Variants in MAP3K21 observed in about 807,000 individuals in gnomAD.
MAP3K21 encodes mitogen-activated protein kinase kinase kinase MLK4.
A neutral mutation model predicts 86.1 loss-of-function variants in MAP3K21; 63 were observed. The ratio of observed to expected loss-of-function variants is 0.73; its 90% CI spans 0.60 to 0.90. The LOEUF is 0.90. MAP3K21 is among the 40% of genes least tolerant of loss of function. MAP3K21 has a pLI of 0.00. For missense variants in MAP3K21, 1,220 were observed against 1,367.7 expected (o/e 0.89, Z 1.70); for synonymous variants, 558 against 564.8 (o/e 0.99, Z 0.17).
chr1:233,361,736 C>A (rs1274668966), intron 4 of MAP3K21, among the ~76,000 whole-genome samples: 3 of 152,182 alleles, frequency 2.0e-5, no homozygotes, highest in Non-Finnish European at 4.4e-5. Context: ...ATGTGAAAAA[C>A]CAAGTGTAGA....
At chr1:233,377,910 C>A (rs1158382089) in intron 8 of MAP3K21, among the ~76,000 whole-genome samples, 1 of 152,164 alleles carries the variant, frequency 6.6e-6, no homozygotes, top group African/African-American at 2.4e-5. Context: ...CTTGTATGTG[C>A]AGTTCACAAT....
Position 233,382,503 on chromosome 1 carries a change from T to A in MAP3K21, c.2903T>A (p.Leu968Gln), listed in dbSNP as rs750348462. Residue 968 changes from leucine (L) to glutamine (Q), a missense_variant, in exon 10 of 10, where the codon CTG becomes CAG. Leu to Gln is a moderately radical substitution (Grantham distance 113, BLOSUM62 -2). Around this residue, in one of 5 missense-constraint regions of MAP3K21, gnomAD observed 632 missense variants for 691.3 expected, o/e 0.91. Transcript: ENST00000366624. Reference protein sequence around the residue: ...QAYPQTAVSQLAQTACVVGRP... With the variant: ...QAYPQTAVSQQAQTACVVGRP... Reference sequence around the variant, plus strand: ...TACCCACAGACAGCAGTGTCTCAGCTGGCACAGACTGCCTGTGTAGTGGGT... The same window carrying A: ...TACCCACAGACAGCAGTGTCTCAGCAGGCACAGACTGCCTGTGTAGTGGGT... The A allele has an allele frequency of 1.5e-5, 25 of 1,614,192 alleles. No individual in the cohort carries two copies. Among genetic ancestry groups the A allele is most frequent in the Non-Finnish European group, 2.1e-5 (25 of 1,180,024 alleles).
At chr1:233,380,888 C>A (rs1026266623) in intron 9 of MAP3K21, among the ~76,000 whole-genome samples, 1 of 152,146 alleles carries the variant, frequency 6.6e-6, no homozygotes, top group Non-Finnish European at 1.5e-5. Flanking sequence ...CTCCTCACTG[C>A]GGTATTTTTT....
chr1:233,358,411 T>C (rs1663403823), intron 4 of MAP3K21, among the ~76,000 whole-genome samples: 1 of 152,046 alleles, frequency 6.6e-6, no homozygotes, highest in African/African-American at 2.4e-5. Context: ...ATCATTGACA[T>C]GTTTCTTGGA....
chr1:233,345,506 C>T (rs993525095), intron 1 of MAP3K21, among the ~76,000 whole-genome samples: 5 of 151,320 alleles, frequency 3.3e-5, no homozygotes, highest in Non-Finnish European at 5.9e-5. Context: ...ACTGCATATT[C>T]TCACTCATAG....
intron 5 of MAP3K21, among the ~76,000 whole-genome samples, chr1:233,368,080 A>G (rs1257593612): frequency 6.6e-6 from 1 of 152,044 alleles, no homozygotes; most frequent in Non-Finnish European, 1.5e-5. Flanking sequence ...CATTTGTTCC[A>G]AATAACTTGT....
At chr1:233,355,146 G>T in intron 4 of MAP3K21, 135 bp downstream of exon 4, 3 of 659,998 alleles carry the variant, frequency 4.5e-6, no homozygotes, top group Non-Finnish European at 4.9e-6. Flanking sequence ...CCTTCTTTCA[G>T]GTTAAAAATA....
chr1:233,348,196 C>G (rs1039724444), intron 2 of MAP3K21, among the ~76,000 whole-genome samples: 5 of 152,142 alleles, frequency 3.3e-5, no homozygotes, highest in African/African-American at 9.7e-5. Flanking sequence ...TGTTCTGTAT[C>G]TTGACTTTTG....
chr1:233,351,496 G>A (rs1354103972), intron 2 of MAP3K21, among the ~76,000 whole-genome samples: 1 of 152,058 alleles, frequency 6.6e-6, no homozygotes, highest in East Asian at 1.9e-4. Context: ...TTGGACACCA[G>A]CATGGCCAAT....
intron 2 of MAP3K21, among the ~76,000 whole-genome samples, chr1:233,350,749 T>C (rs540951037): frequency 6.6e-6 from 1 of 152,216 alleles, no homozygotes; most frequent in Non-Finnish European, 1.5e-5. Flanking sequence ...GTAAAACTAC[T>C]AAGAAGCAGA....
rs558315734 is a variant in MAP3K21 at position 233,375,087 on chromosome 1, GC to G, written c.1676-826del. ...CTCCTGAGTAGCTGGGATTACAGGC[GC>G]CCGCCACCATGCCCAGTTAATTTTT... On this transcript the variant is annotated intron_variant, in intron 6 of 9. Coordinates refer to ENST00000366624, the MANE Select transcript of MAP3K21 (RefSeq NM_032435.3). Among the ~76,000 whole-genome samples the G allele has an allele frequency of 5.7e-4, 86 of 151,742 alleles. 1 individual carries two copies. In the South Asian group the frequency reaches 0.018, roughly 31 times the overall value.
At chr1:233,356,436 G>A (rs578250999) in intron 4 of MAP3K21, among the ~76,000 whole-genome samples, 8 of 151,668 alleles carry the variant, frequency 5.3e-5, no homozygotes, top group African/African-American at 1.9e-4. Context: ...TGAGATAGTG[G>A]CCATTATCAT....
intron 4 of MAP3K21, among the ~76,000 whole-genome samples, chr1:233,357,152 G>A (rs529782391): frequency 7.9e-5 from 12 of 152,044 alleles, no homozygotes; most frequent in African/African-American, 2.7e-4. Context: ...ACTATTGCAA[G>A]GACAAAAAAC....
chr1:233,382,604 G>T lies in MAP3K21; in HGVS notation c.3004G>T (p.Ala1002Ser). 1 of 1,614,204 alleles carries T rather than the reference G, an allele frequency of 6.2e-7. No individual in the cohort carries two copies. The highest frequency in any genetic ancestry group is 8.5e-7 in the Non-Finnish European group (1 of 1,180,034). The change falls in exon 10 of 10, where the codon GCT becomes TCT. Residue 1002 changes from alanine to serine, a missense_variant. This residue lies in a region of MAP3K21 where 632 missense variants were observed against 691.3 expected (regional missense o/e 0.91). Transcript: ENST00000366624. ...TKSHVPSLLD[A>S]DVEGQSRDYT... Reference sequence around the variant, plus strand: ...ATCCCATGTGCCTTCATTACTGGATGCTGACGTGGAAGGTCAGAGCAGGGA... The same window carrying T: ...ATCCCATGTGCCTTCATTACTGGATTCTGACGTGGAAGGTCAGAGCAGGGA...
At chr1:233,342,677 G>A (rs1663057960) in intron 1 of MAP3K21, among the ~76,000 whole-genome samples, 1 of 152,186 alleles carries the variant, frequency 6.6e-6, no homozygotes, top group East Asian at 1.9e-4. Context: ...TTTGTGGAAT[G>A]CTTAGGGGGT....
chr1:233,337,314 A>G (rs893796942), intron 1 of MAP3K21, among the ~76,000 whole-genome samples: 1 of 152,250 alleles, frequency 6.6e-6, no homozygotes, highest in Non-Finnish European at 1.5e-5. Flanking sequence ...TGTGGGCTCT[A>G]GTTTGCCAAT....
rs943984566 is a variant in MAP3K21 at position 233,384,239 on chromosome 1, A to G, written c.*1528A>G. 1 of 152,232 alleles carries G rather than the reference A, an allele frequency of 6.6e-6. No homozygotes were observed. Among genetic ancestry groups the G allele is most frequent in the Admixed American group, 6.5e-5 (1 of 15,290 alleles). The allele number at this position is 152,232 out of a possible 1,614,324, so 9.4% of individuals were successfully genotyped here. On this transcript the variant is annotated 3_prime_UTR_variant, in exon 10 of 10. Coordinates refer to ENST00000366624, the MANE Select transcript of MAP3K21 (RefSeq NM_032435.3). ...TAAAATATCTCACCTATAATAGAAG[A>G]AAAGGAAAATCATATTATTTGGCAA...
intron 6 of MAP3K21, chr1:233,373,658 T>A (rs923647861): frequency 6.6e-6 from 1 of 152,312 alleles, no homozygotes; most frequent in Non-Finnish European, 1.5e-5. Context: ...GCTCCAAGAA[T>A]GCCTCTTGTC....
chr1:233,364,827 C>T (rs1663542495), intron 5 of MAP3K21, among the ~76,000 whole-genome samples: 1 of 152,124 alleles, frequency 6.6e-6, no homozygotes, highest in African/African-American at 2.4e-5. Flanking sequence ...AATCCTGACC[C>T]ATCACCAAGG....
Sources: gnomAD v4.1 joint callset for allele counts (sites outside exome capture counted in the v4.1 genomes callset) on GRCh38, gnomAD v4.1.1 for gene constraint, gnomAD v4.1.1 regional missense constraint, MANE v1.5 for transcripts, NCBI Gene and HGNC (gene_info 2026-07-23, HGNC 2026-07-21) for gene names.